KCNIP4: variants seen among roughly 807,000 people sequenced by gnomAD.
KCNIP4 encodes Kv channel-interacting protein 4.
A neutral mutation model predicts 34.0 loss-of-function variants in KCNIP4; 12 were observed. The observed-to-expected ratio is 0.35, with a 90% CI of 0.23 to 0.57. KCNIP4 has a LOEUF of 0.57. Among genes scored for constraint, KCNIP4 ranks in the 20% least tolerant of loss-of-function variants. The probability of loss-of-function intolerance (pLI) is 0.83; values close to 1 mark genes in which losing one functional copy is unlikely to be tolerated. For missense variants in KCNIP4, 238 were observed against 311.7 expected (o/e 0.76, Z 1.78); for synonymous variants, 124 against 102.2 (o/e 1.21, Z -1.29).
intron 1 of KCNIP4, among the ~76,000 whole-genome samples, chr4:21,768,342 A>C (rs1445832593): frequency 6.6e-6 from 1 of 152,098 alleles, no homozygotes; most frequent in Non-Finnish European, 1.5e-5. Flanking sequence ...AAACTCCTGC[A>C]GGAGTGCTTT....
intron 1 of KCNIP4, among the ~76,000 whole-genome samples, chr4:21,600,868 A>G (rs968559931): frequency 5.9e-5 from 9 of 151,734 alleles, no homozygotes; most frequent in East Asian, 3.9e-4. Flanking sequence ...TGCCTTATCT[A>G]TCCTTGCTCA....
intron 1 of KCNIP4, among the ~76,000 whole-genome samples, chr4:20,939,078 T>C (rs1398343258): frequency 3.3e-5 from 5 of 152,202 alleles, no homozygotes; most frequent in Non-Finnish European, 5.9e-5. Context: ...GACTGTTCTG[T>C]TGCATTAGAC....
intron 1 of KCNIP4, among the ~76,000 whole-genome samples, chr4:21,535,564 A>T (rs759483154): frequency 6.6e-6 from 1 of 152,144 alleles, no homozygotes; most frequent in Non-Finnish European, 1.5e-5. Flanking sequence ...ACGACAAATG[A>T]AGCATAGTTA....
chr4:21,093,826 T>C (rs1747215992), intron 1 of KCNIP4, among the ~76,000 whole-genome samples: 1 of 152,162 alleles, frequency 6.6e-6, no homozygotes, highest in South Asian at 2.1e-4. Flanking sequence ...CTGACGCCTG[T>C]AATCCTAGCA....
Position 21,044,663 on chromosome 4 carries a change from A to C in KCNIP4, c.62-161954T>G, listed in dbSNP as rs551425544. Among the ~76,000 whole-genome samples, 159 of 152,288 alleles carry C rather than the reference A, an allele frequency of 1.0e-3. 1 individual carries two copies. The highest frequency in any genetic ancestry group is 1.1e-3 in the Non-Finnish European group (72 of 68,028). ...TGACTCCACATGCTTCCAGAGCAAG[A>C]AGTCCAACCACCTACCCTACCAGTA... On this transcript the variant is annotated intron_variant, in intron 1 of 8. Coordinates refer to ENST00000382152, the MANE Select transcript of KCNIP4 (RefSeq NM_025221.6).
At chr4:21,124,728 A>G (rs565417839) in intron 1 of KCNIP4, among the ~76,000 whole-genome samples, 1 of 152,300 alleles carries the variant, frequency 6.6e-6, no homozygotes, top group East Asian at 1.9e-4. Flanking sequence ...GGGCTAGTCT[A>G]TGCAGCCTCA....
chr4:21,566,719 G>C (rs1294770797), intron 1 of KCNIP4, among the ~76,000 whole-genome samples: 1 of 152,232 alleles, frequency 6.6e-6, no homozygotes, highest in Non-Finnish European at 1.5e-5. Flanking sequence ...ACAATACTTA[G>C]AGACATTTGG....
chr4:21,497,139 T>C (rs1197704403), intron 1 of KCNIP4, among the ~76,000 whole-genome samples: 1 of 152,170 alleles, frequency 6.6e-6, no homozygotes, highest in Non-Finnish European at 1.5e-5. Context: ...AACATAGACA[T>C]GAGACTCAAT....
At chr4:21,136,304 G>C (rs934915296) in intron 1 of KCNIP4, among the ~76,000 whole-genome samples, 1 of 152,168 alleles carries the variant, frequency 6.6e-6, no homozygotes, top group Non-Finnish European at 1.5e-5. Context: ...ATTACCACTG[G>C]AGGAAGCGAG....
intron 1 of KCNIP4, among the ~76,000 whole-genome samples, chr4:21,682,898 A>G (rs990601846): frequency 6.6e-6 from 1 of 152,204 alleles, no homozygotes; most frequent in Admixed American, 6.5e-5. Flanking sequence ...AACCTCAAAG[A>G]TCATCATAAA....
At chr4:20,934,179 T>C (rs549162746) in intron 1 of KCNIP4, among the ~76,000 whole-genome samples, 133 of 152,308 alleles carry the variant, frequency 8.7e-4, no homozygotes, top group African/African-American at 3.2e-3. Flanking sequence ...TTTACTTGGA[T>C]TTCTTGTCCT....
At chr4:21,522,386 T>C (rs1735609473) in intron 1 of KCNIP4, among the ~76,000 whole-genome samples, 1 of 152,108 alleles carries the variant, frequency 6.6e-6, no homozygotes. Context: ...CAACTTTTTT[T>C]TTCTTCTAGA....
chr4:21,390,215 T>C (rs1160499354), intron 1 of KCNIP4, among the ~76,000 whole-genome samples: 2 of 152,168 alleles, frequency 1.3e-5, no homozygotes, highest in African/African-American at 2.4e-5. Flanking sequence ...CTTTGTCAGA[T>C]AAGTAGATTG....
At chr4:21,231,451 G>A (rs559256889) in intron 1 of KCNIP4, among the ~76,000 whole-genome samples, 162 of 152,190 alleles carry the variant, frequency 1.1e-3, no homozygotes, top group African/African-American at 3.7e-3. Flanking sequence ...AACTGAATGA[G>A]TAGCGTTACT....
intron 1 of KCNIP4, among the ~76,000 whole-genome samples, chr4:21,437,998 C>T (rs545189373): frequency 6.6e-6 from 1 of 151,742 alleles, no homozygotes; most frequent in Admixed American, 6.6e-5. Context: ...CATGTAAACT[C>T]TGTTTTCCAG....
chr4:21,571,444 GCT>G (rs1361044703), intron 1 of KCNIP4, among the ~76,000 whole-genome samples: 1 of 152,154 alleles, frequency 6.6e-6, no homozygotes, highest in African/African-American at 2.4e-5. Flanking sequence ...GGCTGGAGTT[GCT>G]CTGTTTCCTA....
chr4:21,647,863 C>CTTTT (rs10539950), intron 1 of KCNIP4, among the ~76,000 whole-genome samples: 5 of 60,178 alleles, frequency 8.3e-5, no homozygotes, highest in East Asian at 1.0e-3. Context: ...TACAATGATG[C>CTTTT]TTTTTTTTTT....
chr4:20,760,187 A>G (rs761804869), intron 3 of KCNIP4, among the ~76,000 whole-genome samples: 13 of 152,154 alleles, frequency 8.5e-5, no homozygotes, highest in Non-Finnish European at 1.6e-4. Flanking sequence ...ATTCTCATGA[A>G]CAGTCCCATG....
chr4:21,306,001 C>T (rs1225240126), intron 1 of KCNIP4, among the ~76,000 whole-genome samples: 6 of 152,198 alleles, frequency 3.9e-5, no homozygotes, highest in African/African-American at 1.2e-4. Context: ...TAGATAGTCA[C>T]TACTGTGCCT....
Sources: allele counts gnomAD v4.1 joint callset (sites outside exome capture counted in the v4.1 genomes callset), GRCh38; gene constraint gnomAD v4.1.1; transcripts MANE v1.5; gene names NCBI Gene and HGNC (gene_info 2026-07-23, HGNC 2026-07-21).